Variants in MEGF11 observed in about 807,000 individuals in gnomAD.
MEGF11 encodes multiple EGF like domains 11, also known as multiple epidermal growth factor-like domains protein 11.
Under a neutral mutation model 146.6 loss-of-function variants are expected in MEGF11, and 126 were observed. The observed-to-expected ratio is 0.86, with a 90% CI of 0.74 to 1.00. The LOEUF is 1.00. MEGF11 is among the 50% of genes least tolerant of loss of function. MEGF11 has a pLI of 0.00. For synonymous variants in MEGF11, 532 were observed against 583.4 expected (o/e 0.91, Z 1.27); for missense variants, 1,509 against 1,521.2 (o/e 0.99, Z 0.13).
intron 5 of MEGF11, among the ~76,000 whole-genome samples, chr15:65,986,920 C>T (rs1567190967): frequency 6.6e-6 from 1 of 151,204 alleles, no homozygotes; most frequent in Non-Finnish European, 1.5e-5. Context: ...GCTTCAGCCT[C>T]CTGAGTAGCT....
At chr15:66,124,046 G>T in intron 2 of MEGF11, 46 bp from the exon 3 acceptor site, 2 of 1,481,642 alleles carry the variant, frequency 1.3e-6, no homozygotes, top group Non-Finnish European at 1.9e-6. Flanking sequence ...CACTTGGGAA[G>T]CTGAGCTGAT....
At chr15:65,918,997 G>A (rs560273516) in intron 15 of MEGF11, among the ~76,000 whole-genome samples, 1 of 152,302 alleles carries the variant, frequency 6.6e-6, no homozygotes. Flanking sequence ...CGATCCTGGA[G>A]AGCAGCACAG....
chr15:65,902,734 G>A (rs969026693), intron 24 of MEGF11, among the ~76,000 whole-genome samples: 5 of 152,182 alleles, frequency 3.3e-5, no homozygotes, highest in Admixed American at 2.0e-4. Context: ...CAGGATTGGC[G>A]GCTTGGTCCT....
At chr15:65,951,190 C>A (rs1485408551) in intron 10 of MEGF11, among the ~76,000 whole-genome samples, 1 of 152,118 alleles carries the variant, frequency 6.6e-6, no homozygotes, top group African/African-American at 2.4e-5. Flanking sequence ...TCAGGGAAGG[C>A]TTCATGGAAG....
chr15:66,217,364 G>A (rs1472391574), intron 1 of MEGF11, among the ~76,000 whole-genome samples: 1 of 152,252 alleles, frequency 6.6e-6, no homozygotes, highest in African/African-American at 2.4e-5. Context: ...GAAGATGAGT[G>A]TGGAGATGGG....
chr15:66,122,035 C>T (rs777357214), intron 3 of MEGF11, among the ~76,000 whole-genome samples: 2 of 152,046 alleles, frequency 1.3e-5, no homozygotes, highest in Non-Finnish European at 2.9e-5. Context: ...GAAGCTGAGG[C>T]GAGCAGATCA....
intron 1 of MEGF11, among the ~76,000 whole-genome samples, chr15:66,250,534 G>C (rs1473446140): frequency 1.3e-5 from 2 of 152,240 alleles, no homozygotes; most frequent in African/African-American, 4.8e-5. Flanking sequence ...CAAAGAAGGA[G>C]CTCAGTAACT....
chr15:66,186,029 G>T (rs940385458), intron 1 of MEGF11, among the ~76,000 whole-genome samples: 1 of 152,156 alleles, frequency 6.6e-6, no homozygotes, highest in African/African-American at 2.4e-5. Flanking sequence ...CTGGGGAGAG[G>T]TGGGGGCAGC....
intron 5 of MEGF11, among the ~76,000 whole-genome samples, chr15:66,078,091 C>T (rs2085671503): frequency 6.6e-6 from 1 of 152,098 alleles, no homozygotes. Flanking sequence ...AGGGTGGTCT[C>T]CAGGGACAGA....
chr15:66,235,206 CAA>C (rs990995717), intron 1 of MEGF11, among the ~76,000 whole-genome samples: 8 of 152,132 alleles, frequency 5.3e-5, no homozygotes, highest in Admixed American at 2.0e-4. Context: ...TAAAGCAATT[CAA>C]AGGTCAAAAT....
chr15:66,242,625 G>A (rs541335196), intron 1 of MEGF11, among the ~76,000 whole-genome samples: 1 of 152,198 alleles, frequency 6.6e-6, no homozygotes, highest in East Asian at 1.9e-4. Flanking sequence ...ATAAGCAGTA[G>A]GAAAGGGCAA....
At chr15:66,140,707 A>C (rs1449187071) in intron 1 of MEGF11, among the ~76,000 whole-genome samples, 1 of 152,220 alleles carries the variant, frequency 6.6e-6, no homozygotes, top group Admixed American at 6.5e-5. Context: ...GGCTGTGCGA[A>C]GAGGGAAAGA....
At chr15:66,111,135 C>T (rs1246180522) in intron 4 of MEGF11, among the ~76,000 whole-genome samples, 1 of 152,164 alleles carries the variant, frequency 6.6e-6, no homozygotes, top group East Asian at 1.9e-4. Context: ...GTTTTCTGTC[C>T]TGTAAAAGGG....
At chr15:66,073,931 T>A (rs2085473228) in intron 5 of MEGF11, among the ~76,000 whole-genome samples, 1 of 152,230 alleles carries the variant, frequency 6.6e-6, no homozygotes, top group African/African-American at 2.4e-5. Context: ...CAAAGAGGTG[T>A]CAAAGGCCTT....
intron 1 of MEGF11, among the ~76,000 whole-genome samples, chr15:66,169,821 G>A (rs1567270969): frequency 1.3e-5 from 2 of 152,220 alleles, no homozygotes; most frequent in African/African-American, 2.4e-5. Flanking sequence ...CGGAGCAGGA[G>A]CACCGCGGCA....
intron 15 of MEGF11, among the ~76,000 whole-genome samples, chr15:65,918,321 A>G (rs1316906914): frequency 6.6e-6 from 1 of 152,166 alleles, no homozygotes; most frequent in African/African-American, 2.4e-5. Context: ...AGGCTCTATT[A>G]TGATTGCCTT....
At chr15:65,995,742 TA>T (rs1274379168) in intron 5 of MEGF11, among the ~76,000 whole-genome samples, 3 of 152,168 alleles carry the variant, frequency 2.0e-5, no homozygotes, top group African/African-American at 7.2e-5. Context: ...TTGGGGATGA[TA>T]AATATAACCA....
At position 65,981,879 on chromosome 15, in the gene MEGF11, G is replaced by C. The variant is rs1768648675; in HGVS notation, c.641+363C>G. On this transcript the variant is annotated intron_variant, in intron 6 of 25. Coordinates refer to ENST00000395614, the MANE Select transcript of MEGF11 (RefSeq NM_001385028.1). ...GCATCATTTGGGTAAGGTCAGAAGAGACTTTCAAGATAAGGGCTGTCTCTG... is the reference window on the plus strand; with the variant it reads ...GCATCATTTGGGTAAGGTCAGAAGACACTTTCAAGATAAGGGCTGTCTCTG... Among the ~76,000 whole-genome samples the C allele has an allele frequency of 3.3e-5, 5 of 152,306 alleles. No homozygotes were observed. In the South Asian group the frequency reaches 1.0e-3, roughly 32 times the overall value.
intron 1 of MEGF11, among the ~76,000 whole-genome samples, chr15:66,184,871 T>G (rs1326182394): frequency 1.3e-5 from 2 of 151,772 alleles, no homozygotes; most frequent in Admixed American, 1.3e-4. Context: ...TCTCCCCGCC[T>G]GCTTCCCAGT....
Sources: allele counts gnomAD v4.1 joint callset (sites outside exome capture counted in the v4.1 genomes callset), GRCh38; gene constraint gnomAD v4.1.1; transcripts MANE v1.5; gene names NCBI Gene and HGNC (gene_info 2026-07-23, HGNC 2026-07-21).